Variants in DGKB observed in about 807,000 individuals in gnomAD.
DGKB encodes the protein 90 kDa diacylglycerol kinase.
DGKB carries 67 observed loss-of-function variants against 114.3 expected under a neutral mutation model. The ratio of observed to expected loss-of-function variants is 0.59; its 90% CI spans 0.48 to 0.72. The LOEUF (loss-of-function observed/expected upper bound fraction) is 0.72, where lower values mean the gene tolerates loss of function less well. Ranked by LOEUF, DGKB falls within the 30% of genes least tolerant of loss-of-function variation. The pLI, the probability that DGKB is intolerant of heterozygous loss-of-function variation, is 0.00. For missense variants in DGKB, 907 were observed against 975.2 expected (o/e 0.93, Z 0.93); for synonymous variants, 398 against 323.1 (o/e 1.23, Z -2.49).
At chr7:14,601,870 C>T (rs150388370) in intron 17 of DGKB, among the ~76,000 whole-genome samples, 82 of 152,174 alleles carry the variant, frequency 5.4e-4, no homozygotes, top group Non-Finnish European at 9.1e-4. Flanking sequence ...ACATTTTGTT[C>T]GCAACCATGT....
At chr7:14,899,358 G>A (rs217596) in intron 1 of DGKB, among the ~76,000 whole-genome samples, 13,300 of 152,100 alleles carry the variant, frequency 0.087, 850 homozygotes, top group Middle Eastern at 0.15. Context: ...ATTATCTGAT[G>A]ACTAGCATAA....
At chr7:14,177,357 C>A (rs79677355) in intron 24 of DGKB, among the ~76,000 whole-genome samples, 13,661 of 151,726 alleles carry the variant, frequency 0.09, 850 homozygotes, top group Admixed American at 0.19. Flanking sequence ...TAGTTTGAAA[C>A]CAGCCTGACC....
intron 21 of DGKB, among the ~76,000 whole-genome samples, chr7:14,477,547 C>G (rs375139409): frequency 2.0e-5 from 3 of 152,058 alleles, no homozygotes; most frequent in South Asian, 2.1e-4. Flanking sequence ...GGGGAAGATA[C>G]GGAACCAAGG....
intron 14 of DGKB, among the ~76,000 whole-genome samples, chr7:14,625,183 G>A (rs1808354287): frequency 6.6e-6 from 1 of 151,974 alleles, no homozygotes. Flanking sequence ...AAAATGGTAA[G>A]CATTCATTTA....
chr7:14,388,315 C>T (rs961051659), intron 21 of DGKB, among the ~76,000 whole-genome samples: 2 of 147,728 alleles, frequency 1.4e-5, no homozygotes, highest in African/African-American at 5.0e-5. Flanking sequence ...AACTATTAAG[C>T]AAATATATAC....
At chr7:14,833,616 A>C (rs980549657) in intron 2 of DGKB, among the ~76,000 whole-genome samples, 6 of 152,016 alleles carry the variant, frequency 3.9e-5, no homozygotes, top group African/African-American at 1.4e-4. Context: ...GCATCTAAAG[A>C]CCCACTTTTT....
chr7:14,582,467 C>T (rs1264535281), intron 18 of DGKB, among the ~76,000 whole-genome samples: 1 of 152,156 alleles, frequency 6.6e-6, no homozygotes, highest in Admixed American at 6.5e-5. Flanking sequence ...AATCTCAGCT[C>T]TCTCAGTTCA....
At chr7:14,456,246 T>C (rs1007936583) in intron 21 of DGKB, among the ~76,000 whole-genome samples, 4 of 152,012 alleles carry the variant, frequency 2.6e-5, no homozygotes, top group Non-Finnish European at 4.4e-5. Flanking sequence ...TATATGGAAA[T>C]ATCCCAAAAT....
intron 21 of DGKB, among the ~76,000 whole-genome samples, chr7:14,392,995 G>GTTTTGTTTTGTTTTTTTTTTTTTTTT (rs1554404749): frequency 1.7e-5 from 1 of 60,548 alleles, no homozygotes; most frequent in African/African-American, 4.8e-5. Context: ...TTTTGTTTTT[G>GTTTTGTTTTGTTTTTTTTTTTTTTTT]TTTTTTTTTT....
chr7:14,426,494 T>A (rs1827546810), intron 21 of DGKB, among the ~76,000 whole-genome samples: 1 of 152,052 alleles, frequency 6.6e-6, no homozygotes. Context: ...CCACAATAGT[T>A]AGGGGGTACA....
chr7:14,915,454 G>C (rs1232557449), intron 1 of DGKB, among the ~76,000 whole-genome samples: 2 of 152,120 alleles, frequency 1.3e-5, no homozygotes, highest in Admixed American at 1.3e-4. Context: ...ATTAATGGCA[G>C]ACGCTAAACC....
intron 21 of DGKB, among the ~76,000 whole-genome samples, chr7:14,465,036 G>A (rs1434062840): frequency 6.6e-6 from 1 of 152,108 alleles, no homozygotes; most frequent in Non-Finnish European, 1.5e-5. Context: ...AAGATGCTGT[G>A]GGCATTGGAC....
At chr7:14,233,954 A>C in intron 23 of DGKB, among the ~76,000 whole-genome samples, 1 of 152,174 alleles carries the variant, frequency 6.6e-6, no homozygotes, top group Non-Finnish European at 1.5e-5. Context: ...TTTTAACCCT[A>C]AAGCTCAGAG....
At chr7:14,364,173 T>C (rs576882871) in intron 21 of DGKB, among the ~76,000 whole-genome samples, 1 of 151,776 alleles carries the variant, frequency 6.6e-6, no homozygotes, top group Non-Finnish European at 1.5e-5. Flanking sequence ...TTATTTCCAA[T>C]AAAAAAAACA....
chr7:14,750,433 C>T (rs962765348), intron 4 of DGKB, among the ~76,000 whole-genome samples: 14 of 152,140 alleles, frequency 9.2e-5, no homozygotes, highest in African/African-American at 3.1e-4. Flanking sequence ...GTTTTTGTAA[C>T]CTTCGATGTT....
intron 1 of DGKB, among the ~76,000 whole-genome samples, chr7:14,920,227 C>A (rs919457538): frequency 5.9e-5 from 9 of 152,058 alleles, no homozygotes; most frequent in Non-Finnish European, 1.3e-4. Flanking sequence ...TATGCTACAG[C>A]CTCAAAGACA....
intron 5 of DGKB, among the ~76,000 whole-genome samples, chr7:14,725,936 T>G (rs2128371887): frequency 6.6e-6 from 1 of 152,250 alleles, no homozygotes; most frequent in Admixed American, 6.5e-5. Context: ...TGACTGGCAT[T>G]TATTAAGCAT....
intron 24 of DGKB, 114 bp from the exon 25 acceptor site, chr7:14,177,013 T>C: frequency 8.6e-7 from 1 of 1,159,882 alleles, no homozygotes; most frequent in Non-Finnish European, 1.2e-6. Flanking sequence ...AGTTGGGCTC[T>C]AAATTTATCT....
intron 21 of DGKB, among the ~76,000 whole-genome samples, chr7:14,381,184 C>A (rs890416276): frequency 6.6e-6 from 1 of 152,110 alleles, no homozygotes; most frequent in Admixed American, 6.5e-5. Context: ...TGTTGTCATG[C>A]CAAGGTAATC....
Sources: allele counts gnomAD v4.1 joint callset (sites outside exome capture counted in the v4.1 genomes callset), GRCh38; gene constraint gnomAD v4.1.1; transcripts MANE v1.5; gene names NCBI Gene and HGNC (gene_info 2026-07-23, HGNC 2026-07-21).